The following FBXL13 variants were observed in gnomAD, a reference collection of about 807,000 sequenced individuals.
The protein encoded by FBXL13 is F-box and leucine-rich repeat protein 13.
Under a neutral mutation model 83.6 loss-of-function variants are expected in FBXL13, and 67 were observed. The observed-to-expected ratio is 0.80, with a 90% confidence interval of 0.66 to 0.98. The LOEUF (loss-of-function observed/expected upper bound fraction) is 0.98. FBXL13 is among the 50% of genes least tolerant of loss of function. The pLI is 0.00. For synonymous variants in FBXL13, 272 were observed against 299.5 expected (o/e 0.91, Z 0.95); for missense variants, 822 against 866.5 (o/e 0.95, Z 0.64).
intron 6 of FBXL13, chr7:102,973,841 A>T (rs1337828189): frequency 8.5e-6 from 6 of 703,932 alleles, no homozygotes; most frequent in Middle Eastern, 2.4e-4. Flanking sequence ...CCAGTCTGAA[A>T]ATCCAACATT....
At chr7:102,926,722 G>A (rs4398822) in intron 9 of FBXL13, among the ~76,000 whole-genome samples, 12,493 of 152,152 alleles carry the variant, frequency 0.082, 568 homozygotes, top group Middle Eastern at 0.17. Context: ...ATGCAGGAAA[G>A]CAATTAAAAA....
chr7:102,822,264 C>G (rs1043489557), intron 18 of FBXL13, 61 bp from the exon 20 acceptor site: 2 of 1,520,736 alleles, frequency 1.3e-6, no homozygotes, highest in African/African-American at 2.8e-5. Flanking sequence ...AAGAACAGTG[C>G]CTTAGTCACT....
chr7:102,948,108 G>C (rs1390065888), intron 8 of FBXL13, among the ~76,000 whole-genome samples: 1 of 149,930 alleles, frequency 6.7e-6, no homozygotes, highest in Non-Finnish European at 1.5e-5. Flanking sequence ...CTGTCACCCA[G>C]GCAGGAGTGC....
intron 6 of FBXL13, among the ~76,000 whole-genome samples, chr7:102,990,012 C>T (rs766810640): frequency 1.3e-5 from 2 of 152,176 alleles, no homozygotes; most frequent in African/African-American, 2.4e-5. Context: ...TTGACTCTCC[C>T]GACATTACTG....
At chr7:102,864,026 C>T (rs1298301831) in intron 16 of FBXL13, among the ~76,000 whole-genome samples, 1 of 152,176 alleles carries the variant, frequency 6.6e-6, no homozygotes, top group Non-Finnish European at 1.5e-5. Flanking sequence ...AGATCATCCA[C>T]ACTGCCACCA....
intron 6 of FBXL13, among the ~76,000 whole-genome samples, chr7:103,016,321 G>A (rs2129487078): frequency 6.6e-6 from 1 of 150,492 alleles, no homozygotes; most frequent in Non-Finnish European, 1.5e-5. Context: ...GAAATGTGGG[G>A]GGGGTGGGGG....
intron 11 of FBXL13, among the ~76,000 whole-genome samples, chr7:102,904,986 A>T (rs1813526630): frequency 6.6e-6 from 1 of 152,106 alleles, no homozygotes; most frequent in African/African-American, 2.4e-5. Context: ...GCTTGATATT[A>T]TTTCAGTTTT....
At chr7:102,828,991 C>T (rs1252026037) in intron 18 of FBXL13, among the ~76,000 whole-genome samples, 1 of 152,138 alleles carries the variant, frequency 6.6e-6, no homozygotes, top group East Asian at 1.9e-4. Context: ...GATGTAACAT[C>T]CTGAGACTGA....
At chr7:102,922,921 T>C (rs984910584) in intron 10 of FBXL13, among the ~76,000 whole-genome samples, 2 of 151,936 alleles carry the variant, frequency 1.3e-5, no homozygotes, top group Non-Finnish European at 2.9e-5. Context: ...GAGCTTGCAG[T>C]GAGCTGAGAT....
chr7:102,895,785 G>A (rs1476793496), intron 11 of FBXL13, among the ~76,000 whole-genome samples: 3 of 152,146 alleles, frequency 2.0e-5, no homozygotes, highest in African/African-American at 7.2e-5. Context: ...GTACAAGTAG[G>A]ATAGCTTTGT....
intron 6 of FBXL13, among the ~76,000 whole-genome samples, chr7:103,005,627 A>T (rs767806151): frequency 7.2e-5 from 11 of 152,220 alleles, no homozygotes; most frequent in Non-Finnish European, 1.3e-4. Flanking sequence ...TTCTCATTGC[A>T]TCCTCATATG....
chr7:102,830,805 TA>T (rs1182460211), intron 18 of FBXL13, among the ~76,000 whole-genome samples: 1 of 152,248 alleles, frequency 6.6e-6, no homozygotes, highest in Non-Finnish European at 1.5e-5. Context: ...AATAACCTTG[TA>T]ATTTCTGAGG....
intron 16 of FBXL13, among the ~76,000 whole-genome samples, chr7:102,870,299 A>T (rs998124072): frequency 6.6e-6 from 1 of 152,228 alleles, no homozygotes. Context: ...AAAAATCTAG[A>T]GACATTAACC....
intron 6 of FBXL13, among the ~76,000 whole-genome samples, chr7:102,983,609 G>A (rs1044384237): frequency 6.6e-6 from 1 of 151,820 alleles, no homozygotes; most frequent in African/African-American, 2.4e-5. Flanking sequence ...TAGTAGAGAC[G>A]GGGTTTCACC....
intron 8 of FBXL13, among the ~76,000 whole-genome samples, chr7:102,959,260 CT>C (rs1035383482): frequency 6.6e-6 from 1 of 152,024 alleles, no homozygotes; most frequent in Non-Finnish European, 1.5e-5. Context: ...TGCATAATTT[CT>C]TTTTTTCACT....
At chr7:102,954,812 T>C (rs998349140) in intron 8 of FBXL13, among the ~76,000 whole-genome samples, 1 of 152,094 alleles carries the variant, frequency 6.6e-6, no homozygotes, top group Non-Finnish European at 1.5e-5. Flanking sequence ...GACATAATGG[T>C]AAAGGAATCA....
chr7:103,045,583 C>T lies in FBXL13; in HGVS notation c.-1+10061G>A, dbSNP rs1796192111. On this transcript the variant is annotated intron_variant, in intron 2 of 19. Coordinates refer to ENST00000313221, the Ensembl canonical transcript of FBXL13. ...GACCCTTTATGGGTACCTCTTTATG[C>T]TGGAATGTCCTATTTACAGGAGAAA... Among the ~76,000 whole-genome samples the T allele has an allele frequency of 1.3e-5, 2 of 152,174 alleles. 1 individual carries two copies. The highest frequency in any genetic ancestry group is 1.3e-4 in the Admixed American group (2 of 15,274).
At chr7:102,908,325 G>C (rs921851179) in intron 11 of FBXL13, among the ~76,000 whole-genome samples, 10 of 152,178 alleles carry the variant, frequency 6.6e-5, no homozygotes, top group African/African-American at 2.4e-4. Context: ...GTGTTATCTT[G>C]AATTAATTTG....
Position 102,860,172 on chromosome 7 carries a change from T to C in FBXL13, c.1636-5312A>G, listed in dbSNP as rs561618229. Among the ~76,000 whole-genome samples, 47 of 152,276 alleles carry C rather than the reference T, an allele frequency of 3.1e-4. 1 individual carries two copies. In the South Asian group the frequency reaches 9.3e-3, roughly 30 times the overall value. Reference sequence around the variant, plus strand: ...CTATGCAACAGAATTAAATAGAACTTTCTCTCTCTGGGGAATATGAGTGGG... The same window carrying C: ...CTATGCAACAGAATTAAATAGAACTCTCTCTCTCTGGGGAATATGAGTGGG... On this transcript the variant is annotated intron_variant, in intron 16 of 19. Coordinates refer to ENST00000313221, the Ensembl canonical transcript of FBXL13.
Sources: allele counts gnomAD v4.1 joint callset (sites outside exome capture counted in the v4.1 genomes callset), GRCh38; gene constraint gnomAD v4.1.1; transcripts MANE v1.5; gene names NCBI Gene and HGNC (gene_info 2026-07-23, HGNC 2026-07-21).